ADGRV1: variants seen among roughly 807,000 people sequenced by gnomAD.
ADGRV1 encodes the protein G-protein coupled receptor 98.
Under a neutral mutation model 596.2 loss-of-function variants are expected in ADGRV1, and 359 were observed. The ratio of observed to expected loss-of-function variants is 0.60; its 90% confidence interval spans 0.55 to 0.66. The LOEUF (loss-of-function observed/expected upper bound fraction) is 0.66, where lower values mean the gene tolerates loss of function less well. Among genes scored for constraint, ADGRV1 ranks in the 30% least tolerant of loss-of-function variants. The pLI is 0.00. For missense variants in ADGRV1, 7,274 were observed against 7,575.6 expected (o/e 0.96, Z 1.48); for synonymous variants, 2,681 against 2,679.2 (o/e 1.00, Z -0.02).
chr5:90,613,111 C>T (rs748118903), intron 1 of ADGRV1, among the ~76,000 whole-genome samples: 1 of 152,114 alleles, frequency 6.6e-6, no homozygotes, highest in Non-Finnish European at 1.5e-5. Context: ...TTCACTTTCA[C>T]TCTGTCTCAC....
intron 56 of ADGRV1, 94 bp downstream of exon 56, chr5:90,756,724 T>A: frequency 9.2e-7 from 1 of 1,083,460 alleles, no homozygotes; most frequent in Non-Finnish European, 1.3e-6. Flanking sequence ...GTATTTATTT[T>A]TAAATAGATA....
intron 89 of ADGRV1, among the ~76,000 whole-genome samples, chr5:91,161,332 G>A (rs1035429043): frequency 6.6e-6 from 1 of 152,242 alleles, no homozygotes; most frequent in Non-Finnish European, 1.5e-5. Context: ...TGTTACCTTC[G>A]GGGGCCAAGC....
intron 83 of ADGRV1, among the ~76,000 whole-genome samples, chr5:90,937,588 G>C (rs1775816045): frequency 6.6e-6 from 1 of 151,672 alleles, no homozygotes; most frequent in Admixed American, 6.6e-5. Context: ...CTCCCAAGTA[G>C]CTGGGACTAC....
At position 90,791,181 on chromosome 5, in the gene ADGRV1, A is replaced by G. The variant is rs1443446537; in HGVS notation, c.14352A>G (p.Gln4784=). The G allele has an allele frequency of 6.2e-7, 1 of 1,613,926 alleles. No homozygotes were observed. Among genetic ancestry groups the G allele is most frequent in the South Asian group, 1.1e-5 (1 of 91,074 alleles). ...GGCAGAACCTTATTAGATCCATCCA[A>G]ATTAACATAACCCGGCTTGCTGGAA... ...LIGQNLIRSI[Q]INITRLAGTF... is the part of the protein sequence containing the mutation. The change falls in exon 70 of 90, where the codon CAA becomes CAG. Residue 4784 remains glutamine, a synonymous_variant. Transcript: ENST00000405460.
chr5:90,791,007 A>G lies in ADGRV1; in HGVS notation c.14178A>G (p.Ile4726Met). The change falls in exon 70 of 90, where the codon ATA (isoleucine) becomes ATG (methionine). Residue 4726 changes from isoleucine (I) to methionine (M), a missense_variant. Ile to Met is a conservative substitution (Grantham distance 10). This residue lies in a region of ADGRV1 where 1,874 missense variants were observed against 1,970.2 expected (regional missense o/e 0.95). Coordinates refer to ENST00000405460, the MANE Select transcript of ADGRV1 (RefSeq NM_032119.4). ...TGCTACCAGATGAGGTACCTGAGAT[A>G]GAGGAAGATTATGTGATCCAGCTTG... ...VHLLPDEVPE[I>M]EEDYVIQLVS... 2 of 1,613,956 alleles carry G rather than the reference A, an allele frequency of 1.2e-6. No homozygotes were observed. Among genetic ancestry groups the G allele is most frequent in the South Asian group, 1.1e-5 (1 of 91,084 alleles).
At chr5:90,684,226 A>ATTC (rs1745318628) in intron 28 of ADGRV1, 31 bp downstream of exon 28, 13 of 1,526,464 alleles carry the variant, frequency 8.5e-6, no homozygotes, top group Non-Finnish European at 1.1e-5. Flanking sequence ...TATTATTATT[A>ATTC]TTAGCTCTCA....
intron 48 of ADGRV1, 143 bp downstream of exon 48, chr5:90,725,799 G>A (rs762613254): frequency 5.4e-6 from 3 of 555,880 alleles, no homozygotes; most frequent in Non-Finnish European, 9.6e-6. Flanking sequence ...GTAAAGACTG[G>A]TTAGTTAAAA....
Position 91,163,831 on chromosome 5 carries a change from G to A in ADGRV1, c.18852G>A (p.Glu6284=), listed in dbSNP as rs747410637. Residue 6284 remains glutamate (E), a synonymous_variant, in exon 90 of 90, where the codon GAG becomes GAA. Coordinates refer to ENST00000405460, the MANE Select transcript of ADGRV1 (RefSeq NM_032119.4). The stretch of plus-strand genomic sequence containing the variant: ...ATGAATCTGGTCAAGGCAGCCAGGA[G>A]GGGGGCACCTTGACTGACTCCCAGA... ...SDNESGQGSQ[E]GGTLTDSQIV... The A allele has an allele frequency of 2.9e-5, 46 of 1,605,478 alleles. No individual in the cohort carries two copies. Among genetic ancestry groups the A allele is most frequent in the Non-Finnish European group, 3.7e-5 (43 of 1,174,190 alleles).
chr5:90,825,059 C>G (rs1763957586), intron 76 of ADGRV1, among the ~76,000 whole-genome samples: 1 of 152,082 alleles, frequency 6.6e-6, no homozygotes, highest in African/African-American at 2.4e-5. Context: ...GCCTCAGCCT[C>G]CTGAGTAGCT....
chr5:91,130,235 G>GA (rs11403279), intron 87 of ADGRV1, among the ~76,000 whole-genome samples: 104,873 of 143,962 alleles, frequency 0.73, 40,407 homozygotes, highest in Non-Finnish European at 0.86. Context: ...TTTCTAAATT[G>GA]AAAAAAAAAA....
chr5:91,036,461 C>T (rs1313705889), intron 85 of ADGRV1, among the ~76,000 whole-genome samples: 4 of 151,406 alleles, frequency 2.6e-5, no homozygotes, highest in Non-Finnish European at 5.9e-5. Context: ...ACTTGGGAGG[C>T]TGAGGCAGGA....
intron 21 of ADGRV1, among the ~76,000 whole-genome samples, chr5:90,669,802 A>T (rs1772169307): frequency 6.6e-6 from 1 of 152,206 alleles, no homozygotes; most frequent in African/African-American, 2.4e-5. Flanking sequence ...TTTCTTGTGG[A>T]TGAAATAGCA....
At position 90,810,418 on chromosome 5, in the gene ADGRV1, A is replaced by AAC; in HGVS notation, c.15159_15160insCA (p.Asp5054GlnfsTer24). ...ACTGCAGGAAGCGCCAAGCCACTGG[A>AAC]AGATTTTGAGCCTGTTCAGAATGGG... On this transcript the variant is annotated frameshift_variant, in exon 74 of 90. Coordinates refer to ENST00000405460, the MANE Select transcript of ADGRV1 (RefSeq NM_032119.4). LOFTEE classifies it high-confidence loss of function. The AAC allele has an allele frequency of 1.2e-6, 2 of 1,613,922 alleles. No homozygotes were observed. Among genetic ancestry groups the AAC allele is most frequent in the South Asian group, 1.1e-5 (1 of 91,074 alleles).
chr5:91,104,499 C>T (rs1486093885), intron 87 of ADGRV1, among the ~76,000 whole-genome samples: 1 of 152,172 alleles, frequency 6.6e-6, no homozygotes, highest in Non-Finnish European at 1.5e-5. Context: ...CTATAGTCAT[C>T]CTGTAGTGCT....
rs772125195 is a variant in ADGRV1 at position 90,810,879 on chromosome 5, G to A, written c.15619G>A (p.Val5207Met). The A allele has an allele frequency of 1.8e-5, 29 of 1,614,036 alleles. 1 individual carries two copies. In the Middle Eastern group the frequency reaches 1.5e-3, roughly 83 times the overall value. Residue 5207 changes from valine to methionine, a missense_variant, in exon 74 of 90, where the codon GTG becomes ATG. Physicochemically the swap from Val to Met is conservative, Grantham distance 21 (BLOSUM62 1). Coordinates refer to ENST00000405460, the MANE Select transcript of ADGRV1 (RefSeq NM_032119.4). ...GTPAVSEKPD[V>M]ATVTANVSIH... ...ACCTGCTGTGTCTGAAAAGCCTGAT[G>A]TGGCCACTGTAACTGCCAATGTTTC...
At chr5:90,750,014 C>T (rs1167239874) in intron 52 of ADGRV1, among the ~76,000 whole-genome samples, 1 of 152,202 alleles carries the variant, frequency 6.6e-6, no homozygotes, top group East Asian at 1.9e-4. Context: ...GAATAAGAGA[C>T]ATTTGCCAGT....
At chr5:90,948,837 C>G (rs4587106) in intron 83 of ADGRV1, among the ~76,000 whole-genome samples, 7,592 of 152,096 alleles carry the variant, frequency 0.05, 400 homozygotes, top group East Asian at 0.25. Context: ...TGTGAGTACT[C>G]CAAGCACAGT....
At chr5:90,724,323 G>A (rs1053241819) in intron 45 of ADGRV1, among the ~76,000 whole-genome samples, 1 of 152,126 alleles carries the variant, frequency 6.6e-6, no homozygotes, top group African/African-American at 2.4e-5. Flanking sequence ...TCCGCCTCCC[G>A]GGTTCAAGCA....
Position 90,595,463 on chromosome 5 carries a change from G to A in ADGRV1, c.23-19372G>A, listed in dbSNP as rs868522855. Among the ~76,000 whole-genome samples the A allele has an allele frequency of 5.3e-3, 383 of 72,112 alleles. 2 individuals carry two copies. Among genetic ancestry groups the A allele is most frequent in the African/African-American group, 0.017 (270 of 15,792 alleles). The allele number at this position is 72,112 out of a possible 152,430, so 47.3% of individuals were successfully genotyped here. ...TGACCCCCCCACCTCCTTCCCGGACGGGGCGGCTGGCCGGGCAGAGGGGCT... is the reference window on the plus strand; with the variant it reads ...TGACCCCCCCACCTCCTTCCCGGACAGGGCGGCTGGCCGGGCAGAGGGGCT... On this transcript the variant is annotated intron_variant, in intron 1 of 89. Coordinates refer to ENST00000405460, the MANE Select transcript of ADGRV1 (RefSeq NM_032119.4).
Sources: allele counts gnomAD v4.1 joint callset (sites outside exome capture counted in the v4.1 genomes callset), GRCh38; gene constraint gnomAD v4.1.1; regional missense constraint gnomAD v4.1.1; transcripts MANE v1.5; gene names NCBI Gene and HGNC (gene_info 2026-07-23, HGNC 2026-07-21).